Variants in PCDHA12 observed in about 807,000 individuals in gnomAD.
The protein encoded by PCDHA12 is protocadherin alpha-12.
Under a neutral mutation model 60.0 loss-of-function variants are expected in PCDHA12, and 44 were observed. The observed-to-expected ratio is 0.73, with a 90% CI of 0.58 to 0.94. PCDHA12 has a LOEUF of 0.94. PCDHA12 is among the 40% of genes least tolerant of loss of function. The pLI, the probability that PCDHA12 is intolerant of heterozygous loss-of-function variation, is 0.00. For missense variants in PCDHA12, 1,276 were observed against 1,239.7 expected (o/e 1.03, Z -0.44); for synonymous variants, 569 against 553.0 (o/e 1.03, Z -0.40).
chr5:141,004,178 T>G (rs527276653), intron 3 of PCDHA12, among the ~76,000 whole-genome samples: 2 of 152,372 alleles, frequency 1.3e-5, no homozygotes, highest in South Asian at 2.1e-4. Flanking sequence ...CCAAGTGTCT[T>G]GAGTGCTCTT....
intron 1 of PCDHA12, among the ~76,000 whole-genome samples, chr5:140,954,014 A>G (rs782347890): frequency 1.3e-5 from 2 of 152,038 alleles, no homozygotes; most frequent in African/African-American, 4.8e-5. Context: ...CAGCTCCCAC[A>G]CATAGTGGGA....
chr5:140,921,367 T>A (rs1165325497), intron 1 of PCDHA12, among the ~76,000 whole-genome samples: 1 of 152,182 alleles, frequency 6.6e-6, no homozygotes, highest in Non-Finnish European at 1.5e-5. Context: ...TCAAGTTTCA[T>A]ATTTCTACAT....
chr5:140,880,407 C>T (rs1198132829), intron 1 of PCDHA12, among the ~76,000 whole-genome samples: 1 of 152,128 alleles, frequency 6.6e-6, no homozygotes, highest in Non-Finnish European at 1.5e-5. Context: ...ATATGGTTGA[C>T]CTTAAAAGCG....
intron 1 of PCDHA12, chr5:140,884,038 G>A (rs1554181095): frequency 6.2e-7 from 1 of 1,613,432 alleles, no homozygotes; most frequent in South Asian, 1.1e-5. Context: ...CAGGCCACGT[G>A]GTGGCGAAGG....
At chr5:140,928,272 T>TG in intron 1 of PCDHA12, 1 of 1,614,156 alleles carries the variant, frequency 6.2e-7, no homozygotes, top group Admixed American at 1.7e-5. Context: ...ACAATGGCCC[T>TG]GGGGCCTCTC....
intron 3 of PCDHA12, among the ~76,000 whole-genome samples, chr5:140,986,774 A>G (rs1201484926): frequency 6.6e-6 from 1 of 152,226 alleles, no homozygotes; most frequent in Non-Finnish European, 1.5e-5. Context: ...TTAATTAGGT[A>G]GCGGAAGCCA....
At chr5:140,943,761 A>T (rs1219179710) in intron 1 of PCDHA12, among the ~76,000 whole-genome samples, 1 of 152,248 alleles carries the variant, frequency 6.6e-6, no homozygotes, top group Non-Finnish European at 1.5e-5. Context: ...TAGGAGATGT[A>T]GGAAAAAAAC....
intron 1 of PCDHA12, among the ~76,000 whole-genome samples, chr5:140,898,221 T>C (rs1238265746): frequency 6.6e-6 from 1 of 152,230 alleles, no homozygotes; most frequent in South Asian, 2.1e-4. Flanking sequence ...ATTTTGGCTT[T>C]TGTTGCCATT....
intron 3 of PCDHA12, among the ~76,000 whole-genome samples, chr5:140,989,670 C>G (rs907417768): frequency 6.6e-6 from 1 of 152,104 alleles, no homozygotes. Flanking sequence ...GAAACTCTGC[C>G]CAGATTTCAA....
chr5:140,917,942 A>G (rs781844380), intron 1 of PCDHA12, among the ~76,000 whole-genome samples: 5 of 152,048 alleles, frequency 3.3e-5, no homozygotes, highest in African/African-American at 4.8e-5. Flanking sequence ...TAATATTGGT[A>G]GTTTGATAGG....
chr5:140,918,502 C>A (rs1480204800), intron 1 of PCDHA12, among the ~76,000 whole-genome samples: 1 of 152,040 alleles, frequency 6.6e-6, no homozygotes, highest in Non-Finnish European at 1.5e-5. Context: ...TGGTACCAAT[C>A]CTTTTAAACT....
intron 1 of PCDHA12, among the ~76,000 whole-genome samples, chr5:140,900,724 C>T (rs552317505): frequency 2.0e-5 from 3 of 152,296 alleles, no homozygotes; most frequent in Admixed American, 1.3e-4. Flanking sequence ...GAAATCCTAC[C>T]TAGCAGTGGG....
rs186566632 is a variant in PCDHA12, at chr5:140,947,652, T to C, written c.2368-31297T>C. 6.7e-3 allele frequency among the ~76,000 whole-genome samples: 1,010 copies of C among 151,752 alleles called. 2 individuals are homozygous for C. Among genetic ancestry groups the C allele is most frequent in the Non-Finnish European group, 0.01 (702 of 67,572 alleles). On this transcript the variant is annotated intron_variant, in intron 1 of 3. Transcript: ENST00000398631. ...ATCAGATCGTATGAACATATATACCTCCATTTACTTGGGTCTTTAAAAAAT... is the reference window on the plus strand; with the variant it reads ...ATCAGATCGTATGAACATATATACCCCCATTTACTTGGGTCTTTAAAAAAT...
At chr5:140,940,616 G>A (rs1554213527) in intron 1 of PCDHA12, among the ~76,000 whole-genome samples, 3 of 152,002 alleles carry the variant, frequency 2.0e-5, no homozygotes, top group Non-Finnish European at 4.4e-5. Flanking sequence ...CCTGGCTCCT[G>A]CAAATATTCT....
Position 140,877,055 on chromosome 5 carries a change from T to C in PCDHA12, c.1583T>C (p.Leu528Pro), listed in dbSNP as rs566250084. 7 of 1,612,792 alleles carry C rather than the reference T, an allele frequency of 4.3e-6. No homozygotes were observed. The Admixed American group carries it at 5.0e-5, about 12-fold the overall frequency. Residue 528 changes from leucine to proline, a missense_variant, in exon 1 of 4, where the codon CTG (leucine) becomes CCG (proline). Coordinates refer to ENST00000398631, the MANE Select transcript of PCDHA12 (RefSeq NM_018903.4). ...YALQPLDHEELELLQFQVSAR... is the reference protein window; with the variant it reads ...YALQPLDHEEPELLQFQVSAR... ...CTGCAGCCGCTAGACCACGAGGAGC[T>C]GGAGCTGCTGCAGTTCCAGGTGAGC... is the stretch of plus-strand genomic sequence containing the variant.
chr5:140,932,032 A>G (rs2087965086), intron 1 of PCDHA12, among the ~76,000 whole-genome samples: 1 of 151,934 alleles, frequency 6.6e-6, no homozygotes, highest in African/African-American at 2.4e-5. Context: ...TTTACAGTAT[A>G]TATTAACATA....
Position 140,946,631 on chromosome 5 carries a change from T to TATATATATATATATACAC in PCDHA12, c.2368-32317_2368-32316insTATATATATATATACACA, listed in dbSNP as rs57893927. 8.0e-4 allele frequency among the ~76,000 whole-genome samples: 106 copies of TATATATATATATATACAC among 131,838 alleles called. 2 individuals carry two copies. The East Asian group carries it at 0.018, about 23-fold the overall frequency. 86.5% of individuals were successfully genotyped at this position (131,838 alleles called of 152,430 possible). A position where few individuals can be genotyped will look rare whatever the true frequency, so the allele number is the denominator to read the frequency against. On this transcript the variant is annotated intron_variant, in intron 1 of 3. Transcript: ENST00000398631. ...TGTGAAATATATATATATATATATA[T>TATATATATATATATACAC]ACAATGGAATACTCATCAGCCATTA...
At chr5:140,942,239 T>A (rs1554214876) in intron 1 of PCDHA12, among the ~76,000 whole-genome samples, 1 of 152,156 alleles carries the variant, frequency 6.6e-6, no homozygotes, top group Admixed American at 6.6e-5. Flanking sequence ...AAATAAGATA[T>A]CCATATCATT....
chr5:140,876,206 C>T lies in PCDHA12; in HGVS notation c.734C>T (p.Pro245Leu). The T allele has an allele frequency of 6.2e-7, 1 of 1,613,864 alleles. No homozygotes were observed. Among genetic ancestry groups the T allele is most frequent in the South Asian group, 1.1e-5 (1 of 91,070 alleles). ...GACAATGGTCCGGCGTTTGATAAGC[C>T]CAGCTATAAAGTAGTGTTGTCTGAA... ...VNDNGPAFDKPSYKVVLSENV... is the reference protein window; with the variant it reads ...VNDNGPAFDKLSYKVVLSENV... Residue 245 changes from proline (P) to leucine (L), a missense_variant, in exon 1 of 4, where the codon CCC becomes CTC. By Grantham distance (98) the Pro-to-Leu change is moderately conservative (BLOSUM62 -3). Coordinates refer to ENST00000398631, the MANE Select transcript of PCDHA12 (RefSeq NM_018903.4).
Sources: allele counts gnomAD v4.1 joint callset (sites outside exome capture counted in the v4.1 genomes callset), GRCh38; gene constraint gnomAD v4.1.1; transcripts MANE v1.5; gene names NCBI Gene and HGNC (gene_info 2026-07-23, HGNC 2026-07-21).